NDUFAF2: variants seen among roughly 807,000 people sequenced by gnomAD.
The protein encoded by NDUFAF2 is NADH:ubiquinone oxidoreductase complex assembly factor 2, also known as NADH dehydrogenase [ubiquinone] 1 alpha subcomplex assembly factor 2.
A neutral mutation model predicts 22.8 loss-of-function variants in NDUFAF2; 13 were observed. The ratio of observed to expected loss-of-function variants is 0.57; its 90% CI spans 0.37 to 0.91. The LOEUF (loss-of-function observed/expected upper bound fraction) is 0.91. Among genes scored for constraint, NDUFAF2 ranks in the 40% least tolerant of loss-of-function variants. NDUFAF2 has a pLI of 0.01. For missense variants in NDUFAF2, 162 were observed against 195.2 expected (o/e 0.83, Z 1.01); for synonymous variants, 53 against 64.2 (o/e 0.83, Z 0.84).
At chr5:60,985,246 T>G (rs1751056442) in intron 1 of NDUFAF2, among the ~76,000 whole-genome samples, 1 of 152,326 alleles carries the variant, frequency 6.6e-6, no homozygotes, top group East Asian at 1.9e-4. Flanking sequence ...TGATATCCCC[T>G]TTATCATTTT....
At chr5:61,066,712 A>G (rs965794698) in intron 1 of NDUFAF2, among the ~76,000 whole-genome samples, 3 of 152,130 alleles carry the variant, frequency 2.0e-5, no homozygotes, top group Non-Finnish European at 4.4e-5. Flanking sequence ...AATTATCTCT[A>G]AATTACTTAT....
chr5:61,081,355 C>A (rs1752440610), intron 2 of NDUFAF2, among the ~76,000 whole-genome samples: 1 of 152,004 alleles, frequency 6.6e-6, no homozygotes, highest in African/African-American at 2.4e-5. Context: ...ATCAGTTATA[C>A]CTCAATAAAG....
At chr5:61,100,882 G>C (rs2111770054) in intron 3 of NDUFAF2, among the ~76,000 whole-genome samples, 1 of 152,114 alleles carries the variant, frequency 6.6e-6, no homozygotes, top group East Asian at 1.9e-4. Context: ...TTTTATGTTT[G>C]CCAACATCCA....
intron 3 of NDUFAF2, among the ~76,000 whole-genome samples, chr5:61,108,076 A>C (rs1561567333): frequency 6.7e-6 from 1 of 149,786 alleles, no homozygotes; most frequent in Non-Finnish European, 1.5e-5. Flanking sequence ...TATATGTGCC[A>C]CATTTTCTTA....
chr5:61,090,853 C>A (rs1314370315), intron 2 of NDUFAF2, among the ~76,000 whole-genome samples: 1 of 151,968 alleles, frequency 6.6e-6, no homozygotes, highest in Admixed American at 6.6e-5. Flanking sequence ...CTCCACCCTC[C>A]AATAGGCTTC....
At chr5:61,116,659 G>A (rs913629345) in intron 3 of NDUFAF2, 5 of 152,160 alleles carry the variant, frequency 3.3e-5, no homozygotes, top group African/African-American at 7.2e-5. Flanking sequence ...AAGCTTGAAT[G>A]TAGGCTAAAC....
At chr5:61,134,959 A>G (rs1161614381) in intron 3 of NDUFAF2, among the ~76,000 whole-genome samples, 1 of 152,062 alleles carries the variant, frequency 6.6e-6, no homozygotes, top group African/African-American at 2.4e-5. Context: ...AGAAATCCTC[A>G]ACTATATTTA....
chr5:61,125,574 A>G (rs1374402240), intron 3 of NDUFAF2, among the ~76,000 whole-genome samples: 1 of 152,094 alleles, frequency 6.6e-6, no homozygotes, highest in Non-Finnish European at 1.5e-5. Flanking sequence ...ACTTGGCCTT[A>G]ATGTTTAGGT....
In NDUFAF2 at chr5:60,984,337, C is replaced by T. The variant is rs866480398; in HGVS notation, c.127+38955C>T. ...TTTTCTAGATATACAATCATGTCAT[C>T]TGCAAACAGGGACAATTTGACTTCC... On this transcript the variant is annotated intron_variant, in intron 1 of 3. Coordinates refer to ENST00000296597, the MANE Select transcript of NDUFAF2 (RefSeq NM_174889.5). 5.9e-5 allele frequency among the ~76,000 whole-genome samples: 9 copies of T among 152,198 alleles called. No homozygotes were observed. The South Asian group carries it at 1.2e-3, about 21-fold the overall frequency.
At chr5:60,974,672 A>C (rs375379886) in intron 1 of NDUFAF2, among the ~76,000 whole-genome samples, 1 of 151,996 alleles carries the variant, frequency 6.6e-6, no homozygotes, top group Non-Finnish European at 1.5e-5. Context: ...TTTTAGATCA[A>C]TCTTAAGCCT....
Position 60,945,311 on chromosome 5 carries a change from T to C in NDUFAF2, c.56T>C (p.Val19Ala). 1 of 1,613,816 alleles carries C rather than the reference T, an allele frequency of 6.2e-7. No homozygotes were observed. The highest frequency in any genetic ancestry group is 8.5e-7 in the Non-Finnish European group (1 of 1,179,962). ...RALWRSLSRE[V>A]KEHVGTDQFG... ...TTGTGGAGATCGCTGTCAAGGGAAG[T>C]GAAGGAGCACGTGGGCACGGACCAA... The change falls in exon 1 of 4, where the codon GTG becomes GCG. Residue 19 changes from valine to alanine, a missense_variant. This residue lies in a region of NDUFAF2 where 94 missense variants were observed against 85.2 expected (regional missense o/e 1.10). Coordinates refer to ENST00000296597, the MANE Select transcript of NDUFAF2 (RefSeq NM_174889.5).
chr5:61,055,542 C>G (rs1752076991), intron 1 of NDUFAF2, among the ~76,000 whole-genome samples: 1 of 152,154 alleles, frequency 6.6e-6, no homozygotes, highest in Non-Finnish European at 1.5e-5. Context: ...TATGCATTAT[C>G]TTTCTAAAGG....
chr5:61,110,767 T>C lies in NDUFAF2; in HGVS notation c.258+11735T>C, dbSNP rs116598982. 1.8e-3 allele frequency among the ~76,000 whole-genome samples: 274 copies of C among 152,202 alleles called. 2 individuals carry two copies. The highest frequency in any genetic ancestry group is 4.5e-3 in the Admixed American group (69 of 15,276). On this transcript the variant is annotated intron_variant, in intron 3 of 3. Transcript: ENST00000296597. ...ATGTGTATCTTTTAAAAATGACTTTTCTTGTTGTTGGTCTTTTGTATTCTT... is the reference window on the plus strand; with the variant it reads ...ATGTGTATCTTTTAAAAATGACTTTCCTTGTTGTTGGTCTTTTGTATTCTT...
chr5:61,133,106 G>C (rs1430227163), intron 3 of NDUFAF2, among the ~76,000 whole-genome samples: 1 of 152,144 alleles, frequency 6.6e-6, no homozygotes, highest in Non-Finnish European at 1.5e-5. Flanking sequence ...TGAGATGTAA[G>C]CAACCTCTTT....
At chr5:61,135,674 C>T (rs1203404084) in intron 3 of NDUFAF2, among the ~76,000 whole-genome samples, 1 of 151,802 alleles carries the variant, frequency 6.6e-6, no homozygotes, top group Non-Finnish European at 1.5e-5. Context: ...TAAAGCATAC[C>T]GAAGTTTGAG....
At chr5:61,136,005 TTATATATATATATA>T (rs57756292) in intron 3 of NDUFAF2, among the ~76,000 whole-genome samples, 3,142 of 95,912 alleles carry the variant, frequency 0.033, 494 homozygotes, top group African/African-American at 0.13. Context: ...AAGCCTGTCT[TTATATATATATATA>T]TATATATATA....
At chr5:61,026,641 G>A (rs985700830) in intron 1 of NDUFAF2, among the ~76,000 whole-genome samples, 6 of 151,980 alleles carry the variant, frequency 3.9e-5, no homozygotes, top group Non-Finnish European at 7.4e-5. Context: ...TCATGTTCTT[G>A]CAAGTAACCT....
chr5:60,981,418 T>C (rs1750975851), intron 1 of NDUFAF2, among the ~76,000 whole-genome samples: 1 of 152,168 alleles, frequency 6.6e-6, no homozygotes, highest in Admixed American at 6.5e-5. Context: ...ACCTGTTGTA[T>C]GAAAAATGCT....
At chr5:61,014,453 G>A (rs1049410685) in intron 1 of NDUFAF2, among the ~76,000 whole-genome samples, 2 of 152,134 alleles carry the variant, frequency 1.3e-5, no homozygotes, top group African/African-American at 4.8e-5. Context: ...TAAGTAGGTG[G>A]TAGTGAATAA....
Sources: allele counts gnomAD v4.1 joint callset (sites outside exome capture counted in the v4.1 genomes callset), GRCh38; gene constraint gnomAD v4.1.1; regional missense constraint gnomAD v4.1.1; transcripts MANE v1.5; gene names NCBI Gene and HGNC (gene_info 2026-07-23, HGNC 2026-07-21).